Variants in SSX2IP observed in about 807,000 individuals in gnomAD.
SSX2IP encodes SSX family member 2 interacting protein.
In SSX2IP, 55 loss-of-function variants were observed where a neutral mutation model predicts 84.9. The ratio of observed to expected loss-of-function variants is 0.65; its 90% CI spans 0.52 to 0.81. The LOEUF (loss-of-function observed/expected upper bound fraction) is 0.81, where lower values mean the gene tolerates loss of function less well. Ranked by LOEUF, SSX2IP falls within the 30% of genes least tolerant of loss-of-function variation. The pLI, the probability that SSX2IP is intolerant of heterozygous loss-of-function variation, is 0.00. For synonymous variants in SSX2IP, 239 were observed against 234.7 expected (o/e 1.02, Z -0.17); for missense variants, 664 against 705.2 (o/e 0.94, Z 0.66).
At chr1:84,681,516 C>T (rs568158097) in intron 1 of SSX2IP, among the ~76,000 whole-genome samples, 1 of 152,312 alleles carries the variant, frequency 6.6e-6, no homozygotes, top group African/African-American at 2.4e-5. Context: ...AATGACACTT[C>T]TTGGGATGGA....
intron 8 of SSX2IP, among the ~76,000 whole-genome samples, chr1:84,659,715 T>G (rs1205636371): frequency 1.3e-5 from 2 of 151,314 alleles, no homozygotes; most frequent in Admixed American, 1.3e-4. Context: ...GGAGAATCAC[T>G]TGAACCCGGG....
chr1:84,666,271 A>G (rs1257226835), intron 4 of SSX2IP, 39 bp from the exon 5 acceptor site: 1 of 1,460,250 alleles, frequency 6.8e-7, no homozygotes, highest in Non-Finnish European at 9.6e-7. Flanking sequence ...AAATTAATAA[A>G]GGATTTAGAA....
intron 1 of SSX2IP, among the ~76,000 whole-genome samples, chr1:84,678,948 T>C (rs1384584363): frequency 6.6e-6 from 1 of 152,224 alleles, no homozygotes; most frequent in Admixed American, 6.5e-5. Context: ...TAGAGGGACA[T>C]GGTAACTTTA....
chr1:84,652,182 G>A (rs890779776), intron 11 of SSX2IP, 185 bp from the exon 12 acceptor site: 12 of 522,378 alleles, frequency 2.3e-5, no homozygotes, highest in East Asian at 1.6e-4. Flanking sequence ...AGTATTTTGG[G>A]AGGCTGAGGG....
chr1:84,646,245 C>T lies in SSX2IP; in HGVS notation c.*1188G>A, dbSNP rs1183484138. 6.6e-6 allele frequency: 1 copy of T among 152,494 alleles called. No individual in the cohort carries two copies. The highest frequency in any genetic ancestry group is 1.5e-5 in the Non-Finnish European group (1 of 68,010). The allele number at this position is 152,494 out of a possible 1,614,324, so 9.4% of individuals were successfully genotyped here. A position where few individuals can be genotyped will look rare whatever the true frequency, so the allele number is the denominator to read the frequency against. On this transcript the variant is annotated 3_prime_UTR_variant, in exon 14 of 14. Coordinates refer to ENST00000342203, the MANE Select transcript of SSX2IP (RefSeq NM_001166293.2). ...AAATCCTGGGAAAGAGCTGAGCCTA[C>T]ATTTATTATTATTACTATCAAAACA...
intron 13 of SSX2IP, among the ~76,000 whole-genome samples, chr1:84,648,591 G>A (rs188450566): frequency 1.8e-3 from 276 of 152,180 alleles, no homozygotes; most frequent in Admixed American, 2.9e-3. Context: ...TAAAAATGAT[G>A]TAAAAAGCTA....
At chr1:84,672,860 T>C (rs571743944) in intron 1 of SSX2IP, among the ~76,000 whole-genome samples, 152 of 152,240 alleles carry the variant, frequency 1.0e-3, no homozygotes, top group African/African-American at 3.6e-3. Context: ...CCCCCGTCTC[T>C]ACTGAAAATA....
At chr1:84,669,025 C>T (rs375660381) in intron 4 of SSX2IP, among the ~76,000 whole-genome samples, 1 of 151,970 alleles carries the variant, frequency 6.6e-6, no homozygotes, top group African/African-American at 2.4e-5. Flanking sequence ...TTTTGAACAC[C>T]TTGTTCCCTT....
chr1:84,654,892 G>C (rs1405289484), intron 11 of SSX2IP, among the ~76,000 whole-genome samples: 1 of 152,118 alleles, frequency 6.6e-6, no homozygotes, highest in East Asian at 1.9e-4. Flanking sequence ...AAGTAGTACA[G>C]CAAGAGAGGT....
At position 84,671,458 on chromosome 1, in the gene SSX2IP, T is replaced by C. The variant is rs993392144; in HGVS notation, c.-89-150A>G. On this transcript the variant is annotated intron_variant, in intron 1 of 13. Coordinates refer to ENST00000342203, the MANE Select transcript of SSX2IP (RefSeq NM_001166293.2). ...GCACAGATATAGAACATGGTGTGTG[T>C]ATATACATAGAAATATAAATAATAT... The C allele has an allele frequency of 2.1e-5, 10 of 479,604 alleles. No homozygotes were observed. In the Admixed American group the frequency reaches 3.8e-4, roughly 18 times the overall value. 29.7% of individuals were successfully genotyped at this position (479,604 alleles called of 1,614,324 possible).
intron 4 of SSX2IP, among the ~76,000 whole-genome samples, chr1:84,667,369 C>A (rs574436887): frequency 6.6e-6 from 1 of 152,182 alleles, no homozygotes; most frequent in South Asian, 2.1e-4. Context: ...CTTAAGTGTT[C>A]GTCAGATCTC....
chr1:84,656,681 CATT>C (rs1290990365), intron 9 of SSX2IP, among the ~76,000 whole-genome samples, 197 bp from the exon 10 acceptor site: 1 of 152,014 alleles, frequency 6.6e-6, no homozygotes, highest in African/African-American at 2.4e-5. Context: ...ATTATTTTAA[CATT>C]ATAAAAAATG....
Position 84,666,108 on chromosome 1 carries a change from A to G in SSX2IP, c.537+14T>C. On this transcript the variant is annotated intron_variant, in intron 5 of 13. Coordinates refer to ENST00000342203, the MANE Select transcript of SSX2IP (RefSeq NM_001166293.2). ...AATTCACTTAAACTTCATCTGCAAT[A>G]ACTGACAACTCACCTCATCTTTCTC... 6.3e-7 allele frequency: 1 copy of G among 1,591,480 alleles called. No individual in the cohort carries two copies.
At chr1:84,690,668 C>T (rs1378901554), upstream of SSX2IP, 1 of 152,240 alleles carries the variant, frequency 6.6e-6, no homozygotes, top group African/African-American at 2.4e-5. Context: ...GTAGTCTCCT[C>T]CTTACCTCCA....
intron 1 of SSX2IP, among the ~76,000 whole-genome samples, chr1:84,674,737 T>C (rs748507291): frequency 6.6e-6 from 1 of 152,158 alleles, no homozygotes; most frequent in Non-Finnish European, 1.5e-5. Flanking sequence ...ATGTTTACAA[T>C]GAAAACCAAA....
chr1:84,686,838 G>A (rs539944843), intron 1 of SSX2IP, among the ~76,000 whole-genome samples: 52 of 152,172 alleles, frequency 3.4e-4, no homozygotes, highest in Non-Finnish European at 7.1e-4. Flanking sequence ...TGACAAAGCT[G>A]AGGGGTAAAA....
chr1:84,665,694 A>T (rs1287073570), intron 5 of SSX2IP, among the ~76,000 whole-genome samples: 3 of 152,180 alleles, frequency 2.0e-5, no homozygotes, highest in Non-Finnish European at 4.4e-5. Flanking sequence ...TTCTGTGCCC[A>T]TTTAATGAAG....
chr1:84,653,623 A>C (rs936788028), intron 11 of SSX2IP, among the ~76,000 whole-genome samples: 3 of 152,234 alleles, frequency 2.0e-5, no homozygotes, highest in African/African-American at 2.4e-5. Flanking sequence ...AATGCTGGTC[A>C]AGTGTTGTTC....
intron 12 of SSX2IP, among the ~76,000 whole-genome samples, chr1:84,651,253 G>C (rs1322488754): frequency 6.6e-6 from 1 of 152,116 alleles, no homozygotes; most frequent in Non-Finnish European, 1.5e-5. Flanking sequence ...AGGACGCTGA[G>C]GCTGCAGAGA....
Sources: gnomAD v4.1 joint callset for allele counts (sites outside exome capture counted in the v4.1 genomes callset) on GRCh38, gnomAD v4.1.1 for gene constraint, MANE v1.5 for transcripts, NCBI Gene and HGNC (gene_info 2026-07-23, HGNC 2026-07-21) for gene names.